The following CATSPER4 variants were observed in gnomAD, a reference collection of about 807,000 sequenced individuals.
CATSPER4 encodes the protein cation channel sperm-associated protein 4.
Under a neutral mutation model 54.4 loss-of-function variants are expected in CATSPER4, and 46 were observed. The observed-to-expected ratio is 0.84, with a 90% CI of 0.67 to 1.08. The LOEUF is 1.08. Among genes scored for constraint, CATSPER4 ranks in the 50% least tolerant of loss-of-function variants. The pLI is 0.00. For synonymous variants in CATSPER4, 230 were observed against 231.9 expected (o/e 0.99, Z 0.08); for missense variants, 574 against 612.8 (o/e 0.94, Z 0.67).
intron 9 of CATSPER4, among the ~76,000 whole-genome samples, chr1:26,202,258 G>T (rs956127939): frequency 6.6e-6 from 1 of 152,098 alleles, no homozygotes; most frequent in Admixed American, 6.6e-5. Context: ...AGAGAAAAAG[G>T]CACACACCCA....
At position 26,202,883 on chromosome 1, in the gene CATSPER4, G is replaced by C; in HGVS notation, c.*341G>C. ...TGCCCAGAGCTGGTGGGGGGCCTCA[G>C]TGGGCCCCAGAACCAAGAAGAGAAA... On this transcript the variant is annotated 3_prime_UTR_variant, in exon 10 of 10. Transcript: ENST00000456354. 1 of 395,036 alleles carries C rather than the reference G, an allele frequency of 2.5e-6. No individual in the cohort carries two copies. Among genetic ancestry groups the C allele is most frequent in the Non-Finnish European group, 4.7e-6 (1 of 213,782 alleles). 24.5% of individuals were successfully genotyped at this position (395,036 alleles called of 1,614,324 possible).
At chr1:26,198,989 A>T (rs1182793587) in intron 6 of CATSPER4, among the ~76,000 whole-genome samples, 1 of 152,176 alleles carries the variant, frequency 6.6e-6, no homozygotes, top group African/African-American at 2.4e-5. Context: ...ATTCTCCATT[A>T]TGGCATAGGT....
chr1:26,201,087 C>T, intron 8 of CATSPER4, 46 bp downstream of exon 8: 1 of 1,477,070 alleles, frequency 6.8e-7, no homozygotes, highest in Non-Finnish European at 9.5e-7. Context: ...TGAGTCAAGG[C>T]TGGGCGGAGC....
chr1:26,201,643 C>T (rs572718311), intron 9 of CATSPER4, 124 bp downstream of exon 9: 1 of 839,054 alleles, frequency 1.2e-6, no homozygotes, highest in Non-Finnish European at 2.0e-6. Context: ...CCCCTCACCA[C>T]CACCACCCCT....
intron 6 of CATSPER4, among the ~76,000 whole-genome samples, chr1:26,198,828 C>G (rs1340730812): frequency 6.6e-6 from 1 of 152,232 alleles, no homozygotes; most frequent in African/African-American, 2.4e-5. Flanking sequence ...TGCCCACATT[C>G]ATTTTTGTGT....
Position 26,195,524 on chromosome 1 carries a change from G to A in CATSPER4, c.459+1636G>A, listed in dbSNP as rs184842880. On this transcript the variant is annotated intron_variant, in intron 3 of 9. Transcript: ENST00000456354. ...TCTTTTTCTTTTTTTTTTTTGAGAC[G>A]GAGTCTCGCTCTGTCGCCTGGGCTG... Among the ~76,000 whole-genome samples, 627 of 142,922 alleles carry A rather than the reference G, an allele frequency of 4.4e-3. 7 individuals carry two copies. The highest frequency in any genetic ancestry group is 0.015 in the African/African-American group (590 of 38,294). 93.8% of individuals were successfully genotyped at this position (142,922 alleles called of 152,430 possible).
chr1:26,199,878 C>T lies in CATSPER4; in HGVS notation c.813-6C>T. Reference sequence around the variant, plus strand: ...AAATGATGGGGCCCCTGCCTGCCATCTGCAGGACAGAGAAGAGGGAATATG... The same window carrying T: ...AAATGATGGGGCCCCTGCCTGCCATTTGCAGGACAGAGAAGAGGGAATATG... On this transcript the variant is annotated splice_polypyrimidine_tract_variant and splice_region_variant and intron_variant, in intron 6 of 9. Transcript: ENST00000456354. The T allele has an allele frequency of 6.2e-7, 1 of 1,613,942 alleles. No individual in the cohort carries two copies. Among genetic ancestry groups the T allele is most frequent in the Non-Finnish European group, 8.5e-7 (1 of 1,179,988 alleles).
chr1:26,198,959 G>A (rs1443233764), intron 6 of CATSPER4, among the ~76,000 whole-genome samples: 3 of 152,186 alleles, frequency 2.0e-5, no homozygotes, highest in Admixed American at 1.3e-4. Flanking sequence ...AAGCCCAGTA[G>A]ATAAAGGGCT....
intron 8 of CATSPER4, 141 bp downstream of exon 8, chr1:26,201,182 A>G: frequency 1.1e-6 from 1 of 948,908 alleles, no homozygotes; most frequent in South Asian, 1.4e-5. Context: ...TTGGTGGAGG[A>G]ACTGGAATCC....
Position 26,193,592 on chromosome 1 carries a change from T to C in CATSPER4, c.358-195T>C, listed in dbSNP as rs1055911410. ...CAACAGTGATGGTAACATGAAGTGATGTGTGATAGCCCCAGCACAGTGCCT... is the reference window on the plus strand; with the variant it reads ...CAACAGTGATGGTAACATGAAGTGACGTGTGATAGCCCCAGCACAGTGCCT... On this transcript the variant is annotated intron_variant, in intron 2 of 9. Transcript: ENST00000456354. Among the ~76,000 whole-genome samples, 7 of 152,334 alleles carry C rather than the reference T, an allele frequency of 4.6e-5. No homozygotes were observed. In the East Asian group the frequency reaches 5.8e-4, roughly 13 times the overall value.
Position 26,201,390 on chromosome 1 carries a change from G to C in CATSPER4, c.1236G>C (p.Gln412His). ...AGGTGCGCGCAATCCGCTTCAACCA[G>C]GAGCAGGAGTCAGAGGTGTTGAACA... The part of the protein sequence containing the change: ...VEEVRAIRFN[Q>H]EQESEVLNRR... The change falls in exon 9 of 10, where the codon CAG becomes CAC. Residue 412 changes from glutamine (Q) to histidine (H), a missense_variant. By Grantham distance (24) the Gln-to-His change is conservative (BLOSUM62 0). Coordinates refer to ENST00000456354, the MANE Select transcript of CATSPER4 (RefSeq NM_198137.2). 1 of 1,614,166 alleles carries C rather than the reference G, an allele frequency of 6.2e-7. No homozygotes were observed. The highest frequency in any genetic ancestry group is 8.5e-7 in the Non-Finnish European group (1 of 1,180,008).
At chr1:26,197,896 G>C in intron 4 of CATSPER4, 61 bp from the exon 5 acceptor site, 1 of 1,609,948 alleles carries the variant, frequency 6.2e-7, no homozygotes, top group Non-Finnish European at 8.5e-7. Flanking sequence ...GCTGGTGGGG[G>C]TAATGAGGAG....
At chr1:26,196,347 C>A (rs1381392255) in intron 3 of CATSPER4, among the ~76,000 whole-genome samples, 4 of 149,698 alleles carry the variant, frequency 2.7e-5, no homozygotes, top group Non-Finnish European at 5.9e-5. Flanking sequence ...ATTTAATGTG[C>A]CATAGTTTAT....
intron 5 of CATSPER4, 66 bp from the exon 6 acceptor site, chr1:26,198,220 A>G: frequency 4.3e-6 from 7 of 1,613,874 alleles, no homozygotes; most frequent in Non-Finnish European, 5.9e-6. Flanking sequence ...CATTTACATG[A>G]CATTTGTGTG....
intron 3 of CATSPER4, among the ~76,000 whole-genome samples, chr1:26,195,385 C>CA (rs1382078117): frequency 6.6e-6 from 1 of 152,212 alleles, no homozygotes; most frequent in East Asian, 1.9e-4. Context: ...GTGAGGGCTT[C>CA]AGGCTGCTTC....
At chr1:26,195,895 T>C (rs2088933169) in intron 3 of CATSPER4, among the ~76,000 whole-genome samples, 1 of 152,182 alleles carries the variant, frequency 6.6e-6, no homozygotes, top group East Asian at 1.9e-4. Context: ...TACCTCCCAT[T>C]AGGTCCCACC....
Position 26,197,960 on chromosome 1 carries a change from G to A in CATSPER4, c.561G>A (p.Ala187=), listed in dbSNP as rs372058156. 377 of 1,612,974 alleles carry A rather than the reference G, an allele frequency of 2.3e-4. No individual in the cohort carries two copies. Among genetic ancestry groups the A allele is most frequent in the Non-Finnish European group, 3.0e-4 (354 of 1,180,000 alleles). Reference sequence around the variant, plus strand: ...CCCCTGACAGGCTCTGCCACAGGGCGCTTCGTCTGGTGCATGTGTGCATGG... The same window carrying A: ...CCCCTGACAGGCTCTGCCACAGGGCACTTCGTCTGGTGCATGTGTGCATGG... ...NIPSINYTLR[A]LRLVHVCMAV... Residue 187 remains alanine (A), a synonymous_variant, in exon 5 of 10, where the codon GCG becomes GCA. Coordinates refer to ENST00000456354, the MANE Select transcript of CATSPER4 (RefSeq NM_198137.2).
At chr1:26,200,734 G>A in intron 7 of CATSPER4, 96 bp from the exon 8 acceptor site, 1 of 937,840 alleles carries the variant, frequency 1.1e-6, no homozygotes. Context: ...GAACCCTGGG[G>A]TCCTAAGAGA....
rs532029648 is a variant in CATSPER4 at position 26,202,588 on chromosome 1, G to T, written c.*46G>T. ...GGGGCCTGCACACACACACCCAGCCGCTGCGTCTTCCTGTGTCCTTAGTGT... is the reference window on the plus strand; with the variant it reads ...GGGGCCTGCACACACACACCCAGCCTCTGCGTCTTCCTGTGTCCTTAGTGT... On this transcript the variant is annotated 3_prime_UTR_variant, in exon 10 of 10. Coordinates refer to ENST00000456354, the MANE Select transcript of CATSPER4 (RefSeq NM_198137.2). 1.9e-6 allele frequency: 3 copies of T among 1,545,040 alleles called. No individual in the cohort carries two copies. The highest frequency in any genetic ancestry group is 2.7e-5 in the African/African-American group (2 of 73,646).
Sources: allele counts gnomAD v4.1 joint callset (sites outside exome capture counted in the v4.1 genomes callset), GRCh38; gene constraint gnomAD v4.1.1; transcripts MANE v1.5; gene names NCBI Gene and HGNC (gene_info 2026-07-23, HGNC 2026-07-21).